The following ASCC3 variants were observed in gnomAD, a reference collection of about 807,000 sequenced individuals.
ASCC3 encodes the protein ASC-1 complex subunit P200.
A neutral mutation model predicts 256.3 loss-of-function variants in ASCC3; 158 were observed. The observed-to-expected ratio is 0.62, with a 90% CI of 0.54 to 0.70. The LOEUF (loss-of-function observed/expected upper bound fraction) is 0.70. ASCC3 is among the 30% of genes least tolerant of loss of function. The pLI is 0.00. For missense variants in ASCC3, 2,259 were observed against 2,626.0 expected (o/e 0.86, Z 3.05); for synonymous variants, 948 against 883.4 (o/e 1.07, Z -1.30).
intron 4 of ASCC3, among the ~76,000 whole-genome samples, chr6:100,817,044 T>C (rs1770785885): frequency 6.6e-6 from 1 of 152,074 alleles, no homozygotes; most frequent in Admixed American, 6.6e-5. Flanking sequence ...CATTCTTCTC[T>C]AGCACGCATG....
At chr6:100,647,181 A>G in intron 21 of ASCC3, 45 bp downstream of exon 21, 1 of 1,502,890 alleles carries the variant, frequency 6.7e-7, no homozygotes, top group Non-Finnish European at 9.2e-7. Flanking sequence ...AACATATTTT[A>G]TTTGCACAAA....
At chr6:100,509,797 A>ATTCTCCT (rs1773666443) in intron 41 of ASCC3, 135 bp downstream of exon 41, 1 of 892,000 alleles carries the variant, frequency 1.1e-6, no homozygotes, top group South Asian at 1.7e-5. Context: ...CTGAGGCAGG[A>ATTCTCCT]GAATGGCGTG....
intron 4 of ASCC3, among the ~76,000 whole-genome samples, chr6:100,812,136 T>C (rs1770500779): frequency 6.6e-6 from 1 of 152,040 alleles, no homozygotes; most frequent in African/African-American, 2.4e-5. Context: ...CTAAAATAAT[T>C]TAGCAAAGTG....
chr6:100,802,362 C>T (rs1769960720), intron 5 of ASCC3, among the ~76,000 whole-genome samples: 1 of 151,808 alleles, frequency 6.6e-6, no homozygotes, highest in African/African-American at 2.4e-5. Context: ...CATGCTCCTG[C>T]TCCTGATGTG....
intron 30 of ASCC3, among the ~76,000 whole-genome samples, chr6:100,621,559 A>T (rs1174090420): frequency 1.3e-5 from 2 of 152,192 alleles, no homozygotes; most frequent in African/African-American, 4.8e-5. Flanking sequence ...CATCAGTCAG[A>T]ATGGCAATTA....
chr6:100,797,582 T>G (rs1291890383), intron 8 of ASCC3, among the ~76,000 whole-genome samples: 2 of 151,986 alleles, frequency 1.3e-5, no homozygotes, highest in Admixed American at 1.3e-4. Context: ...TTATAACAAT[T>G]GTATTATAAT....
chr6:100,526,542 TA>T (rs946436732), intron 37 of ASCC3, among the ~76,000 whole-genome samples: 1 of 152,022 alleles, frequency 6.6e-6, no homozygotes, highest in African/African-American at 2.4e-5. Flanking sequence ...TCCACAAGAG[TA>T]AGTAAAGGTG....
At position 100,647,207 on chromosome 6, in the gene ASCC3, A is replaced by G; in HGVS notation, c.3478+19T>C. 1.9e-6 allele frequency: 3 copies of G among 1,570,916 alleles called. No homozygotes were observed. Among genetic ancestry groups the G allele is most frequent in the Non-Finnish European group, 2.6e-6 (3 of 1,140,976 alleles). On this transcript the variant is annotated intron_variant, in intron 21 of 41. Coordinates refer to ENST00000369162, the MANE Select transcript of ASCC3 (RefSeq NM_006828.4). ...TTTGCACAAAACAATACATTCAAAC[A>G]TATTTGCTTCCTTCTTACCTATTTC...
chr6:100,689,176 C>T (rs1261656394), intron 13 of ASCC3, among the ~76,000 whole-genome samples: 3 of 152,144 alleles, frequency 2.0e-5, no homozygotes, highest in African/African-American at 4.8e-5. Flanking sequence ...TCCCATCACA[C>T]GTTGTTCATA....
At chr6:100,561,122 C>G (rs368970807) in intron 36 of ASCC3, among the ~76,000 whole-genome samples, 36 of 137,480 alleles carry the variant, frequency 2.6e-4, no homozygotes, top group Middle Eastern at 3.8e-3. Flanking sequence ...TTGTCTTCTC[C>G]AAAAAGAAAA....
intron 37 of ASCC3, 108 bp downstream of exon 37, chr6:100,540,055 G>T: frequency 2.1e-6 from 2 of 962,432 alleles, no homozygotes; most frequent in Non-Finnish European, 1.6e-6. Flanking sequence ...TCTCAACAAT[G>T]CTACCATAAA....
At chr6:100,711,925 G>C (rs995032915) in intron 13 of ASCC3, among the ~76,000 whole-genome samples, 21 of 152,130 alleles carry the variant, frequency 1.4e-4, no homozygotes, top group African/African-American at 5.1e-4. Flanking sequence ...CTGACTTTAA[G>C]ACTTACAAAC....
intron 4 of ASCC3, among the ~76,000 whole-genome samples, chr6:100,825,273 ATTTT>A (rs71028036): frequency 5.0e-5 from 7 of 141,346 alleles, no homozygotes; most frequent in South Asian, 2.3e-4. Context: ...TTCTTTTGTG[ATTTT>A]TTTTTTTTTT....
At chr6:100,577,303 C>A (rs938730740) in intron 36 of ASCC3, among the ~76,000 whole-genome samples, 2 of 152,048 alleles carry the variant, frequency 1.3e-5, no homozygotes, top group East Asian at 1.9e-4. Flanking sequence ...TCAGATGGAA[C>A]CTCCTACTAA....
intron 16 of ASCC3, among the ~76,000 whole-genome samples, chr6:100,656,758 T>C (rs1399808345): frequency 6.6e-6 from 1 of 151,280 alleles, no homozygotes; most frequent in African/African-American, 2.4e-5. Context: ...AATGGTTCTA[T>C]AGGTAGTAAT....
chr6:100,509,968 G>A lies in ASCC3; in HGVS notation c.6425C>T (p.Ala2142Val), dbSNP rs769650767. ...TTCAGGGGTATAAAAAGAAAGGGAA[G>A]CAACATGATGATTTCGAATATATCC... The part of the protein sequence containing the change: ...RVGYIRNHHV[A>V]SLSFYTPEIP... Residue 2142 changes from alanine (A) to valine (V), a missense_variant, in exon 41 of 42, where the codon GCT becomes GTT. Physicochemically the swap from Ala to Val is moderately conservative, Grantham distance 64. Coordinates refer to ENST00000369162, the MANE Select transcript of ASCC3 (RefSeq NM_006828.4). 6.2e-7 allele frequency: 1 copy of A among 1,613,654 alleles called. No homozygotes were observed. The highest frequency in any genetic ancestry group is 8.5e-7 in the Non-Finnish European group (1 of 1,179,886).
intron 5 of ASCC3, among the ~76,000 whole-genome samples, chr6:100,805,008 C>T (rs1363207498): frequency 2.0e-5 from 3 of 152,006 alleles, no homozygotes; most frequent in African/African-American, 4.8e-5. Flanking sequence ...ACCTAAGTGC[C>T]CATCAACAGT....
intron 14 of ASCC3, among the ~76,000 whole-genome samples, chr6:100,676,437 C>T (rs1021735101): frequency 1.3e-5 from 2 of 152,076 alleles, no homozygotes; most frequent in Non-Finnish European, 2.9e-5. Context: ...TGAATGTGTC[C>T]TGTTGGTTTG....
chr6:100,624,456 T>C (rs991527697), intron 30 of ASCC3, among the ~76,000 whole-genome samples: 2 of 151,888 alleles, frequency 1.3e-5, no homozygotes, highest in East Asian at 3.8e-4. Flanking sequence ...ATCTATAATA[T>C]ATCAATAAGT....
Sources: gnomAD v4.1 joint callset for allele counts (sites outside exome capture counted in the v4.1 genomes callset) on GRCh38, gnomAD v4.1.1 for gene constraint, MANE v1.5 for transcripts, NCBI Gene and HGNC (gene_info 2026-07-23, HGNC 2026-07-21) for gene names.